The following USP34 variants were observed in gnomAD, a reference collection of about 807,000 sequenced individuals.
The protein encoded by USP34 is ubiquitin specific peptidase 34.
In USP34, 70 loss-of-function variants were observed where a neutral mutation model predicts 460.3. The ratio of observed to expected loss-of-function variants is 0.15; its 90% CI spans 0.13 to 0.19. The LOEUF (loss-of-function observed/expected upper bound fraction) is 0.19, where lower values mean the gene tolerates loss of function less well. Ranked by LOEUF, USP34 falls within the 10% of genes least tolerant of loss-of-function variation. The pLI is 1.00. For missense variants in USP34, 3,985 were observed against 4,236.2 expected, an observed-to-expected ratio of 0.94 and a Z score of 1.65; for synonymous variants, 1,647 against 1,405.3, an observed-to-expected ratio of 1.17 and a Z score of -3.85.
intron 1 of USP34, among the ~76,000 whole-genome samples, chr2:61,446,336 T>C (rs772330298): frequency 2.0e-5 from 3 of 152,168 alleles, no homozygotes; most frequent in Admixed American, 6.5e-5. Context: ...TTGAAGTATA[T>C]GAAGATCCAT....
At chr2:61,406,320 T>C (rs1693869180) in intron 2 of USP34, among the ~76,000 whole-genome samples, 192 bp from the exon 3 acceptor site, 1 of 152,160 alleles carries the variant, frequency 6.6e-6, no homozygotes, top group African/African-American at 2.4e-5. Flanking sequence ...TAGTGTAAAG[T>C]CATCATGTTA....
intron 74 of USP34, 54 bp downstream of exon 74, chr2:61,204,202 T>C: frequency 6.2e-7 from 1 of 1,605,400 alleles, no homozygotes; most frequent in Non-Finnish European, 8.5e-7. Flanking sequence ...AGGGGAAAAA[T>C]TTCAAATTAC....
At chr2:61,200,557 C>CT (rs1222158087) in intron 75 of USP34, 1 of 152,298 alleles carries the variant, frequency 6.6e-6, no homozygotes, top group Non-Finnish European at 1.5e-5. Context: ...ACCACAAAGA[C>CT]TTTTCCTCAT....
chr2:61,381,213 AAAAAT>A lies in USP34; in HGVS notation c.822-857_822-853del, dbSNP rs779674082. Among the ~76,000 whole-genome samples, 538 of 149,174 alleles carry A rather than the reference AAAAAT, an allele frequency of 3.6e-3. 2 individuals are homozygous for A. Among genetic ancestry groups the A allele is most frequent in the Middle Eastern group, 0.021 (6 of 292 alleles). On this transcript the variant is annotated intron_variant, in intron 6 of 79. Transcript: ENST00000398571. Reference sequence around the variant, plus strand: ...CCCAAGAATGATCAATAAAAAAAAAAAAAATAAATAAATAAAAAATAAACAAAAAA... The same window carrying A: ...CCCAAGAATGATCAATAAAAAAAAAAAAATAAATAAAAAATAAACAAAAAA...
At position 61,214,305 on chromosome 2, in the gene USP34, G is replaced by T; in HGVS notation, c.8437C>A (p.Pro2813Thr). 1.9e-6 allele frequency: 3 copies of T among 1,614,216 alleles called. No individual in the cohort carries two copies. Among genetic ancestry groups the T allele is most frequent in the Non-Finnish European group, 2.5e-6 (3 of 1,180,042 alleles). Residue 2813 changes from proline to threonine, a missense_variant, in exon 68 of 80, where the codon CCA (proline) becomes ACA (threonine). By Grantham distance (38) the Pro-to-Thr change is conservative. This residue lies in a region of USP34 where 66 missense variants were observed against 121.2 expected (regional missense o/e 0.54). Coordinates refer to ENST00000398571, the MANE Select transcript of USP34 (RefSeq NM_014709.4). Reference sequence around the variant, plus strand: ...TGAACAATAAGGCGGATATTCTCTGGACAGTCAGCACAGACATTGTACCAA... The same window carrying T: ...TGAACAATAAGGCGGATATTCTCTGTACAGTCAGCACAGACATTGTACCAA... ...SFWYNVCADC[P>T]ENIRLIVQNP...
chr2:61,340,066 T>C (rs893512186), intron 16 of USP34, among the ~76,000 whole-genome samples: 1 of 152,182 alleles, frequency 6.6e-6, no homozygotes, highest in African/African-American at 2.4e-5. Context: ...TTGCTATCTA[T>C]AGTGATTAAT....
intron 18 of USP34, among the ~76,000 whole-genome samples, chr2:61,338,246 G>A (rs903194159): frequency 1.7e-4 from 26 of 152,170 alleles, no homozygotes; most frequent in African/African-American, 5.8e-4. Flanking sequence ...GCTTGAATGC[G>A]GGAGGCAGAG....
chr2:61,406,275 A>G, intron 2 of USP34, 147 bp from the exon 3 acceptor site: 1 of 683,806 alleles, frequency 1.5e-6, no homozygotes, highest in East Asian at 2.9e-5. Context: ...TTAATAACAT[A>G]AAGATAGCAT....
At chr2:61,312,528 TCTAAAA>T (rs1346912932) in intron 25 of USP34, among the ~76,000 whole-genome samples, 1 of 145,686 alleles carries the variant, frequency 6.9e-6, no homozygotes, top group Non-Finnish European at 1.5e-5. Flanking sequence ...AAAAAAAAAG[TCTAAAA>T]CTAATCAGCA....
At chr2:61,294,849 T>C in intron 32 of USP34, 100 bp downstream of exon 32, 4 of 925,830 alleles carry the variant, frequency 4.3e-6, no homozygotes, top group East Asian at 5.3e-5. Context: ...ATTTTAATAG[T>C]ATATTAGTTT....
chr2:61,332,212 ATTTTAAACTATGGG>A (rs1691291072), intron 19 of USP34, among the ~76,000 whole-genome samples: 1 of 152,064 alleles, frequency 6.6e-6, no homozygotes, highest in Non-Finnish European at 1.5e-5. Context: ...TAAGTTTCCA[ATTTTAAACTATGGG>A]CCATTAGAAC....
intron 1 of USP34, among the ~76,000 whole-genome samples, chr2:61,447,963 G>A (rs1366102720): frequency 6.6e-6 from 1 of 152,186 alleles, no homozygotes; most frequent in Non-Finnish European, 1.5e-5. Context: ...TGATCCACCT[G>A]CCTTGGCCTC....
intron 41 of USP34, among the ~76,000 whole-genome samples, chr2:61,266,919 G>A (rs1287659848): frequency 6.6e-6 from 1 of 152,124 alleles, no homozygotes; most frequent in Non-Finnish European, 1.5e-5. Context: ...TGTGCCTAAC[G>A]GGTTTATGCT....
chr2:61,301,264 A>G (rs540045681), intron 28 of USP34, 90 bp downstream of exon 28: 436 of 1,516,628 alleles, frequency 2.9e-4, no homozygotes, highest in East Asian at 6.1e-4. Flanking sequence ...TAACAAAGCA[A>G]TAAGAGCTGT....
chr2:61,331,361 T>C lies in USP34; in HGVS notation c.2845A>G (p.Lys949Glu). The change falls in exon 20 of 80, where the codon AAA (lysine) becomes GAA (glutamate). Residue 949 changes from lysine (K) to glutamate (E), a missense_variant. Lys to Glu is a moderately conservative substitution (Grantham distance 56). Around this residue, in one of 14 missense-constraint regions of USP34, gnomAD observed 1,114 missense variants for 1,122.5 expected, o/e 0.99. Coordinates refer to ENST00000398571, the MANE Select transcript of USP34 (RefSeq NM_014709.4). The part of the protein sequence containing the change: ...DTHWITMWAE[K>E]ELNMMKLFFD... ...AAAAGCTTCATCATGTTCAGTTCTT[T>C]TTCTGCCCACCTGGCCCAAATAAAA... The C allele has an allele frequency of 6.2e-7, 1 of 1,610,892 alleles. No homozygotes were observed. The highest frequency in any genetic ancestry group is 8.5e-7 in the Non-Finnish European group (1 of 1,178,590).
chr2:61,223,257 T>C lies in USP34; in HGVS notation c.7635A>G (p.Thr2545=). 6.2e-7 allele frequency: 1 copy of C among 1,614,034 alleles called. No homozygotes were observed. Among genetic ancestry groups the C allele is most frequent in the African/African-American group, 1.3e-5 (1 of 75,058 alleles). The change falls in exon 63 of 80, where the codon ACA becomes ACG. Residue 2545 remains threonine (T), a synonymous_variant. Transcript: ENST00000398571. ...TTAGAGAATGTACTACCTTTCCTCCTGTTAATGCTGCCATGTCAGTCTGTG... is the reference window on the plus strand; with the variant it reads ...TTAGAGAATGTACTACCTTTCCTCCCGTTAATGCTGCCATGTCAGTCTGTG... The part of the protein sequence containing the change: ...TLSQTDMAAL[T]GGKGFPFLFQ...
At chr2:61,274,159 G>A (rs893938847) in intron 41 of USP34, among the ~76,000 whole-genome samples, 3 of 152,036 alleles carry the variant, frequency 2.0e-5, no homozygotes, top group Non-Finnish European at 2.9e-5. Context: ...GGAGGTCAAG[G>A]TGGGCTGGTC....
chr2:61,301,229 T>C, intron 28 of USP34, 69 bp from the exon 29 acceptor site: 1 of 1,532,764 alleles, frequency 6.5e-7, no homozygotes, highest in Non-Finnish European at 8.8e-7. Flanking sequence ...AAATCTGAAG[T>C]ATAGAATCAC....
intron 48 of USP34, among the ~76,000 whole-genome samples, chr2:61,255,915 T>C (rs572950500): frequency 3.9e-4 from 60 of 152,322 alleles, no homozygotes; most frequent in Admixed American, 1.4e-3. Context: ...CTGAGCTTCA[T>C]TTGTAATTTA....
Sources: allele counts gnomAD v4.1 joint callset (sites outside exome capture counted in the v4.1 genomes callset), GRCh38; gene constraint gnomAD v4.1.1; regional missense constraint gnomAD v4.1.1; transcripts MANE v1.5; gene names NCBI Gene and HGNC (gene_info 2026-07-23, HGNC 2026-07-21).